Variants in NIPBL observed in about 807,000 individuals in gnomAD.
The protein encoded by NIPBL is nipped-B-like protein.
Under a neutral mutation model 321.8 loss-of-function variants are expected in NIPBL, and 19 were observed. The ratio of observed to expected loss-of-function variants is 0.06; its 90% CI spans 0.04 to 0.09. NIPBL has a LOEUF of 0.09. Ranked by LOEUF, NIPBL falls within the 10% of genes least tolerant of loss-of-function variation. The probability of loss-of-function intolerance (pLI) is 1.00; values close to 1 mark genes in which losing one functional copy is unlikely to be tolerated. For synonymous variants in NIPBL, 1,106 were observed against 1,114.1 expected (o/e 0.99, Z 0.14); for missense variants, 2,210 against 3,327.0 (o/e 0.66, Z 8.26).
At chr5:37,013,667 G>A (rs551676678) in intron 21 of NIPBL, among the ~76,000 whole-genome samples, 12 of 151,922 alleles carry the variant, frequency 7.9e-5, no homozygotes, top group South Asian at 6.3e-4. Context: ...GGGAAGAGGC[G>A]CTCCTCACTT....
In NIPBL at chr5:36,979,473, A is replaced by G. The variant is rs116302762; in HGVS notation, c.1495+3071A>G. ...AAGCTTTATTGAAGTTATCAGGTCTATGAATCTTTTGGAGGAATTTTTAGG... is the reference window on the plus strand; with the variant it reads ...AAGCTTTATTGAAGTTATCAGGTCTGTGAATCTTTTGGAGGAATTTTTAGG... On this transcript the variant is annotated intron_variant, in intron 9 of 46. Coordinates refer to ENST00000282516, the MANE Select transcript of NIPBL (RefSeq NM_133433.4). 1.0e-3 allele frequency among the ~76,000 whole-genome samples: 157 copies of G among 151,930 alleles called. 3 individuals carry two copies. Among genetic ancestry groups the G allele is most frequent in the African/African-American group, 3.2e-3 (133 of 41,520 alleles).
intron 1 of NIPBL, among the ~76,000 whole-genome samples, chr5:36,905,553 G>A (rs35127161): frequency 0.11 from 16,122 of 152,192 alleles, 1,130 homozygotes; most frequent in Admixed American, 0.19. Context: ...TGAGGAATGT[G>A]TGTGACATGT....
intron 1 of NIPBL, among the ~76,000 whole-genome samples, chr5:36,882,590 G>C (rs1307760228): frequency 6.6e-6 from 1 of 151,942 alleles, no homozygotes; most frequent in African/African-American, 2.4e-5. Flanking sequence ...TAGTGATACT[G>C]TTCTCTTTTT....
At position 36,985,462 on chromosome 5, in the gene NIPBL, G is replaced by A; in HGVS notation, c.2282G>A (p.Arg761Lys). 1.2e-6 allele frequency: 2 copies of A among 1,613,622 alleles called. No individual in the cohort carries two copies. Among genetic ancestry groups the A allele is most frequent in the African/African-American group, 1.3e-5 (1 of 74,962 alleles). The change falls in exon 10 of 47, where the codon AGG (arginine) becomes AAG (lysine). Residue 761 changes from arginine to lysine, a missense_variant. Physicochemically the swap from Arg to Lys is conservative, Grantham distance 26 (BLOSUM62 2). Coordinates refer to ENST00000282516, the MANE Select transcript of NIPBL (RefSeq NM_133433.4). ...GGGCGACCTGAAACACCAAAACACA[G>A]GCATGACAATAGGAGGGATTCTGGA... ...NEGRPETPKHRHDNRRDSGKP... is the reference protein window; with the variant it reads ...NEGRPETPKHKHDNRRDSGKP...
Position 37,060,959 on chromosome 5 carries a change from A to G in NIPBL, c.7801A>G (p.Met2601Val), listed in dbSNP as rs759275114. Residue 2601 changes from methionine (M) to valine (V), a missense_variant, in exon 45 of 47, where the codon ATG becomes GTG. Transcript: ENST00000282516. Reference protein sequence around the residue: ...KQTLDFLRSDMANSKITEEVK... With the variant: ...KQTLDFLRSDVANSKITEEVK... ...AACACTGGACTTCCTGCGGAGTGACATGGCTAATTCCAAAATCACAGAAGA... is the reference window on the plus strand; with the variant it reads ...AACACTGGACTTCCTGCGGAGTGACGTGGCTAATTCCAAAATCACAGAAGA... 6.2e-7 allele frequency: 1 copy of G among 1,614,166 alleles called. No individual in the cohort carries two copies. The highest frequency in any genetic ancestry group is 8.5e-7 in the Non-Finnish European group (1 of 1,180,010).
intron 1 of NIPBL, among the ~76,000 whole-genome samples, chr5:36,940,503 A>T (rs776622366): frequency 2.6e-5 from 4 of 152,142 alleles, no homozygotes; most frequent in Non-Finnish European, 5.9e-5. Flanking sequence ...GGACTTGAGC[A>T]TGTTAATCAT....
intron 34 of NIPBL, among the ~76,000 whole-genome samples, chr5:37,039,875 G>A (rs1317773391): frequency 1.3e-5 from 2 of 151,806 alleles, no homozygotes; most frequent in Non-Finnish European, 2.9e-5. Flanking sequence ...CTATCTTTAG[G>A]GTTCGTATTA....
At chr5:36,878,260 CATG>C (rs1232795604) in intron 1 of NIPBL, among the ~76,000 whole-genome samples, 4 of 152,106 alleles carry the variant, frequency 2.6e-5, no homozygotes, top group Non-Finnish European at 4.4e-5. Flanking sequence ...CTGTTTGTGC[CATG>C]ATGTTTGACT....
intron 38 of NIPBL, among the ~76,000 whole-genome samples, chr5:37,047,014 C>A (rs1387935514): frequency 6.6e-6 from 1 of 152,022 alleles, no homozygotes; most frequent in Non-Finnish European, 1.5e-5. Flanking sequence ...TATGTACAGA[C>A]TTTTTTTGTT....
At chr5:36,961,683 G>GT in intron 5 of NIPBL, 100 bp downstream of exon 5, 1 of 844,270 alleles carries the variant, frequency 1.2e-6, no homozygotes, top group Non-Finnish European at 2.0e-6. Flanking sequence ...ATTATTTAGA[G>GT]TTTAAATAGT....
At chr5:37,025,327 A>G in intron 30 of NIPBL, among the ~76,000 whole-genome samples, 1 of 152,210 alleles carries the variant, frequency 6.6e-6, no homozygotes, top group East Asian at 1.9e-4. Flanking sequence ...AAGGTTTCTC[A>G]TGGGATTATT....
At chr5:36,925,448 T>C (rs1472017113) in intron 1 of NIPBL, among the ~76,000 whole-genome samples, 1 of 151,960 alleles carries the variant, frequency 6.6e-6, no homozygotes, top group Non-Finnish European at 1.5e-5. Flanking sequence ...TGTATTTTAG[T>C]AGAGACGGGG....
rs756349478 is a variant in NIPBL, at chr5:37,038,553, C to T, written c.5972-49C>T. 4 of 1,562,516 alleles carry T rather than the reference C, an allele frequency of 2.6e-6. No individual in the cohort carries two copies. In the Admixed American group the frequency reaches 6.7e-5, roughly 26 times the overall value. The stretch of plus-strand genomic sequence containing the variant: ...TTTAAATAATATTCTGTATAGTTTC[C>T]ACTACCTTGTCATATTTTAGTGTCT... On this transcript the variant is annotated intron_variant, in intron 33 of 46. Coordinates refer to ENST00000282516, the MANE Select transcript of NIPBL (RefSeq NM_133433.4).
intron 21 of NIPBL, among the ~76,000 whole-genome samples, chr5:37,010,849 A>G (rs185860514): frequency 1.1e-3 from 165 of 152,348 alleles, no homozygotes; most frequent in Middle Eastern, 0.01. Flanking sequence ...GAATAATACA[A>G]TATGTAATAT....
At chr5:36,958,937 T>TACA (rs1741288025) in intron 4 of NIPBL, among the ~76,000 whole-genome samples, 1 of 152,194 alleles carries the variant, frequency 6.6e-6, no homozygotes, top group Non-Finnish European at 1.5e-5. Flanking sequence ...CCGGGCATGG[T>TACA]GACTCACGCC....
At chr5:36,913,801 T>C (rs1364630827) in intron 1 of NIPBL, among the ~76,000 whole-genome samples, 3 of 152,248 alleles carry the variant, frequency 2.0e-5, no homozygotes, top group Non-Finnish European at 2.9e-5. Context: ...ATTCACTGTA[T>C]AGCAGCTGGT....
rs1482397881 is a variant in NIPBL, at chr5:37,026,456, C to T, written c.5808+129C>T. ...TTGACATTTCGTACTGCTGCCTTTA[C>T]TTTATATTTCTGGAGATGCTGAAGG... On this transcript the variant is annotated intron_variant, in intron 31 of 46. Coordinates refer to ENST00000282516, the MANE Select transcript of NIPBL (RefSeq NM_133433.4). 5 of 695,282 alleles carry T rather than the reference C, an allele frequency of 7.2e-6. No homozygotes were observed. The South Asian group carries it at 7.6e-5, about 11-fold the overall frequency. The allele number at this position is 695,282 out of a possible 1,614,324, so 43.1% of individuals were successfully genotyped here.
chr5:37,028,730 A>G (rs2149707909), intron 32 of NIPBL, among the ~76,000 whole-genome samples: 1 of 152,310 alleles, frequency 6.6e-6, no homozygotes, highest in Non-Finnish European at 1.5e-5. Flanking sequence ...GACTTTTTTA[A>G]AAAATTATCA....
intron 1 of NIPBL, among the ~76,000 whole-genome samples, chr5:36,946,578 G>GCGTGTGTGTATA (rs1739702515): frequency 6.6e-6 from 1 of 151,054 alleles, no homozygotes; most frequent in African/African-American, 2.4e-5. Context: ...ATGTGTCTGT[G>GCGTGTGTGTATA]TGTGTGTATA....
Sources: gnomAD v4.1 joint callset for allele counts (sites outside exome capture counted in the v4.1 genomes callset) on GRCh38, gnomAD v4.1.1 for gene constraint, MANE v1.5 for transcripts, NCBI Gene and HGNC (gene_info 2026-07-23, HGNC 2026-07-21) for gene names.